Variants in PIGR observed in about 807,000 individuals in gnomAD.
PIGR encodes the protein polymeric immunoglobulin receptor.
A neutral mutation model predicts 69.5 loss-of-function variants in PIGR; 22 were observed. That is an observed-to-expected ratio of 0.32 (90% confidence interval 0.23 to 0.45). The LOEUF (loss-of-function observed/expected upper bound fraction) is 0.45. Among genes scored for constraint, PIGR ranks in the 20% least tolerant of loss-of-function variants. The pLI is 1.00. For missense variants in PIGR, 885 were observed against 974.0 expected (o/e 0.91, Z 1.22); for synonymous variants, 413 against 407.6 (o/e 1.01, Z -0.16).
chr1:206,942,853 A>G (rs1166174966), intron 1 of PIGR, among the ~76,000 whole-genome samples: 2 of 152,222 alleles, frequency 1.3e-5, no homozygotes, highest in Non-Finnish European at 2.9e-5. Context: ...GGTCGGGCAG[A>G]TGGCAACATC....
At chr1:206,939,494 G>T in intron 2 of PIGR, 31 bp from the exon 3 acceptor site, 1 of 1,513,678 alleles carries the variant, frequency 6.6e-7, no homozygotes, top group Non-Finnish European at 9.1e-7. Flanking sequence ...GGCTTTCTGA[G>T]GCCCTTGGGA....
intron 1 of PIGR, among the ~76,000 whole-genome samples, chr1:206,946,019 G>A (rs1014530137): frequency 3.3e-5 from 5 of 152,218 alleles, no homozygotes; most frequent in Non-Finnish European, 5.9e-5. Context: ...AATCAACTAT[G>A]AGGAGTTAGG....
chr1:206,931,342 C>T (rs762678892), intron 10 of PIGR, 155 bp downstream of exon 10: 48 of 1,521,366 alleles, frequency 3.2e-5, no homozygotes, highest in Admixed American at 2.6e-4. Context: ...ATAGTTCTTC[C>T]TCAAAAAGTC....
rs201854294 is a variant in PIGR, at chr1:206,930,431, A to G, written c.2200-18T>C. On this transcript the variant is annotated intron_variant, in intron 10 of 10. Transcript: ENST00000356495. The surrounding 1 kb of genome is among the most constrained non-coding windows in gnomAD (Gnocchi z 4.3). Reference sequence around the variant, plus strand: ...TTGGATGACTAAGGGGCAAGAGGAGAGGCATCAGTGTTGGGGGCACTGGCT... The same window carrying G: ...TTGGATGACTAAGGGGCAAGAGGAGGGGCATCAGTGTTGGGGGCACTGGCT... 45 of 1,610,878 alleles carry G rather than the reference A, an allele frequency of 2.8e-5. No homozygotes were observed. In the Admixed American group the frequency reaches 6.2e-4, roughly 22 times the overall value.
In PIGR at chr1:206,934,680, C is replaced by T; in HGVS notation, c.1445G>A (p.Cys482Tyr). ...AVLGETLKVPCHFPCKFSSYE... is the reference protein window; with the variant it reads ...AVLGETLKVPYHFPCKFSSYE... ...CGAGGAGAATTTGCATGGAAAGTGA[C>T]AGGGGACCTTGAGAGTCTCTCCCAG... The change falls in exon 6 of 11, where the codon TGT (cysteine) becomes TAT (tyrosine). Residue 482 changes from cysteine (C) to tyrosine (Y), a missense_variant. Physicochemically the swap from Cys to Tyr is radical, Grantham distance 194 (BLOSUM62 -2). Transcript: ENST00000356495. The T allele has an allele frequency of 6.2e-7, 1 of 1,613,660 alleles. No individual in the cohort carries two copies. The highest frequency in any genetic ancestry group is 8.5e-7 in the Non-Finnish European group (1 of 1,180,008).
At position 206,939,337 on chromosome 1, in the gene PIGR, C is replaced by A; in HGVS notation, c.170G>T (p.Arg57Leu). 1.2e-6 allele frequency: 2 copies of A among 1,614,214 alleles called. No individual in the cohort carries two copies. The highest frequency in any genetic ancestry group is 1.3e-5 in the African/African-American group (1 of 75,060). The change falls in exon 3 of 11, where the codon CGG (arginine) becomes CTG (leucine). Residue 57 changes from arginine to leucine, a missense_variant. Transcript: ENST00000356495. ...VNRHTRKYWC[R>L]QGARGGCITL... is the part of the protein sequence containing the mutation. ...TATGCAGCCACCTCTAGCTCCCTGC[C>A]GGCACCAGTACTTCCGGGTGTGCCG...
Position 206,935,586 on chromosome 1 carries a change from G to A in PIGR, c.1278C>T (p.Val426=), listed in dbSNP as rs775862948. ...CCCGGCTGGTGAGCTGGTTGAGGAT[G>A]ACAGTGAAGGTGCCGTTGCCTGGCT... ...LEEPGNGTFT[V]ILNQLTSRDA... is the part of the protein sequence containing the mutation. Residue 426 remains valine, a synonymous_variant, in exon 5 of 11, where the codon GTC becomes GTT. Coordinates refer to ENST00000356495, the MANE Select transcript of PIGR (RefSeq NM_002644.4). This position sits in a 1 kb window ranked among gnomAD's most constrained non-coding sequence, Gnocchi z 4.4. 1.2e-6 allele frequency: 2 copies of A among 1,614,224 alleles called. No homozygotes were observed. The highest frequency in any genetic ancestry group is 1.6e-4 in the Middle Eastern group (1 of 6,062).
At position 206,935,770 on chromosome 1, in the gene PIGR, C is replaced by A; in HGVS notation, c.1094G>T (p.Gly365Val). The A allele has an allele frequency of 6.2e-7, 1 of 1,612,974 alleles. No homozygotes were observed. The highest frequency in any genetic ancestry group is 8.5e-7 in the Non-Finnish European group (1 of 1,179,156). ...GTAGGGGCAGAGCACGGCCACAGAG[C>A]CTCCTGCCACCCCCTTCACCACAGT... is the stretch of plus-strand genomic sequence containing the variant. ...SPTVVKGVAG[G>V]SVAVLCPYNR... The change falls in exon 5 of 11, where the codon GGC becomes GTC. Residue 365 changes from glycine (G) to valine (V), a missense_variant. Physicochemically the swap from Gly to Val is moderately radical, Grantham distance 109. Coordinates refer to ENST00000356495, the MANE Select transcript of PIGR (RefSeq NM_002644.4). This position sits in a 1 kb window ranked among gnomAD's most constrained non-coding sequence, Gnocchi z 4.4.
At chr1:206,937,971 T>C (rs537699641) in intron 3 of PIGR, among the ~76,000 whole-genome samples, 3 of 152,232 alleles carry the variant, frequency 2.0e-5, no homozygotes, top group Non-Finnish European at 4.4e-5. Context: ...CTGTGCTTTC[T>C]TGATACATCT....
At position 206,936,816 on chromosome 1, in the gene PIGR, C is replaced by T. The variant is rs568229526; in HGVS notation, c.1045+279G>A. On this transcript the variant is annotated intron_variant, in intron 4 of 10. Coordinates refer to ENST00000356495, the MANE Select transcript of PIGR (RefSeq NM_002644.4). ...CTGAAACACAGTCTATAAGTCCTGC[C>T]TCAATCAAGAGCTTTACTCACCTCT... Among the ~76,000 whole-genome samples, 4 of 152,312 alleles carry T rather than the reference C, an allele frequency of 2.6e-5. No homozygotes were observed. In the South Asian group the frequency reaches 8.3e-4, roughly 32 times the overall value.
intron 2 of PIGR, 33 bp from the exon 3 acceptor site, chr1:206,939,496 C>A: frequency 6.7e-7 from 1 of 1,499,654 alleles, no homozygotes; most frequent in Non-Finnish European, 9.2e-7. Flanking sequence ...CTTTCTGAGG[C>A]CCTTGGGAGG....
At chr1:206,934,790 T>C (rs780989181) in intron 5 of PIGR, 44 bp from the exon 6 acceptor site, 18 of 1,406,418 alleles carry the variant, frequency 1.3e-5, no homozygotes, top group Non-Finnish European at 1.6e-5. Flanking sequence ...AAGTTGGTAC[T>C]TGGAGATGCT....
Position 206,933,077 on chromosome 1 carries a change from T to A in PIGR, c.1795A>T (p.Ile599Phe). The A allele has an allele frequency of 6.2e-7, 1 of 1,614,222 alleles. No individual in the cohort carries two copies. The highest frequency in any genetic ancestry group is 8.5e-7 in the Non-Finnish European group (1 of 1,180,032). Reference protein sequence around the residue: ...SGFREIENKAIQDPRLFAEEK... With the variant: ...SGFREIENKAFQDPRLFAEEK... ...TCTGCAAAAAGCCTGGGATCCTGAATGGCTTTGTTCTCAATCTCCCGAAAA... is the reference window on the plus strand; with the variant it reads ...TCTGCAAAAAGCCTGGGATCCTGAAAGGCTTTGTTCTCAATCTCCCGAAAA... The change falls in exon 7 of 11, where the codon ATT becomes TTT. Residue 599 changes from isoleucine to phenylalanine, a missense_variant. Coordinates refer to ENST00000356495, the MANE Select transcript of PIGR (RefSeq NM_002644.4).
intron 1 of PIGR, among the ~76,000 whole-genome samples, chr1:206,942,416 T>G (rs1308790432): frequency 1.3e-5 from 2 of 152,124 alleles, no homozygotes; most frequent in African/African-American, 4.8e-5. Context: ...TGGGATGGGC[T>G]GGCTGCAAAG....
Position 206,932,492 on chromosome 1 carries a change from C to T in PIGR, c.1972G>A (p.Val658Met), listed in dbSNP as rs765420492. ...GLVLAVGAVA[V>M]GVARARHRKN... ...CTGTGCCGGGCTCTGGCCACCCCCA[C>T]AGCCACGGCTCCCACTGCCAGCACC... is the stretch of plus-strand genomic sequence containing the variant. Residue 658 changes from valine to methionine, a missense_variant, in exon 8 of 11, where the codon GTG becomes ATG. By Grantham distance (21) the Val-to-Met change is conservative. Coordinates refer to ENST00000356495, the MANE Select transcript of PIGR (RefSeq NM_002644.4). 3.7e-6 allele frequency: 6 copies of T among 1,613,180 alleles called. No individual in the cohort carries two copies. Among genetic ancestry groups the T allele is most frequent in the Non-Finnish European group, 5.1e-6 (6 of 1,179,972 alleles).
intron 1 of PIGR, among the ~76,000 whole-genome samples, chr1:206,945,774 G>A (rs1036241709): frequency 1.1e-4 from 17 of 152,162 alleles, no homozygotes; most frequent in African/African-American, 2.4e-4. Context: ...TACTTTATGC[G>A]CACTATCTAA....
Position 206,937,718 on chromosome 1 carries a change from G to C in PIGR, c.422C>G (p.Thr141Arg). 6.2e-7 allele frequency: 1 copy of C among 1,614,084 alleles called. No homozygotes were observed. The highest frequency in any genetic ancestry group is 8.5e-7 in the Non-Finnish European group (1 of 1,180,014). ...PGLLNDTKVY[T>R]VDLGRTVTIN... ...GGTCACCGTTCTGCCCAGGTCCACTGTGTAGACTTTAGTGTCATTTAGGAG... is the reference window on the plus strand; with the variant it reads ...GGTCACCGTTCTGCCCAGGTCCACTCTGTAGACTTTAGTGTCATTTAGGAG... The change falls in exon 4 of 11, where the codon ACA becomes AGA. Residue 141 changes from threonine to arginine, a missense_variant. By Grantham distance (71) the Thr-to-Arg change is moderately conservative. Transcript: ENST00000356495.
Position 206,934,730 on chromosome 1 carries a change from C to T in PIGR, c.1395G>A (p.Lys465=), listed in dbSNP as rs905856967. ...GCACAGCCGTGACATTCCCTGGTAC[C>T]TTGAGGTTTGGTTCTCCTGGAGGAG... is the stretch of plus-strand genomic sequence containing the variant. ...IKIIEGEPNL[K]VPGNVTAVLG... The change falls in exon 6 of 11, where the codon AAG becomes AAA. Residue 465 remains lysine, a synonymous_variant. Transcript: ENST00000356495. 6.2e-7 allele frequency: 1 copy of T among 1,606,276 alleles called. No homozygotes were observed. The highest frequency in any genetic ancestry group is 8.5e-7 in the Non-Finnish European group (1 of 1,178,924).
chr1:206,940,818 C>G (rs1034431011), intron 1 of PIGR, among the ~76,000 whole-genome samples: 2 of 152,198 alleles, frequency 1.3e-5, no homozygotes, highest in African/African-American at 2.4e-5. Context: ...AAGCTGCAAG[C>G]TCCTTTGGGA....
Sources: gnomAD v4.1 joint callset for allele counts (sites outside exome capture counted in the v4.1 genomes callset) on GRCh38, gnomAD v4.1.1 for gene constraint, Gnocchi (gnomAD v3.1) non-coding constraint, MANE v1.5 for transcripts, NCBI Gene and HGNC (gene_info 2026-07-23, HGNC 2026-07-21) for gene names.